Variants in DCDC1 observed in about 807,000 individuals in gnomAD.
DCDC1 encodes the protein doublecortin domain-containing protein 1.
Under a neutral mutation model 178.3 loss-of-function variants are expected in DCDC1, and 200 were observed. That is an observed-to-expected ratio of 1.12 (90% CI 1.00 to 1.26). The LOEUF (loss-of-function observed/expected upper bound fraction) is 1.26, where lower values mean the gene tolerates loss of function less well. DCDC1 is among the 50% of genes most tolerant of loss of function. The pLI is 0.00. For synonymous variants in DCDC1, 690 were observed against 604.8 expected (o/e 1.14, Z -2.07); for missense variants, 1,983 against 1,749.2 (o/e 1.13, Z -2.38).
intron 9 of DCDC1, among the ~76,000 whole-genome samples, chr11:31,187,698 A>C (rs1186714566): frequency 6.6e-6 from 1 of 152,234 alleles, no homozygotes; most frequent in Non-Finnish European, 1.5e-5. Flanking sequence ...AACACTAGTT[A>C]GGAAATCAAA....
intron 7 of DCDC1, among the ~76,000 whole-genome samples, chr11:31,272,803 A>T (rs976931194): frequency 1.3e-5 from 2 of 152,198 alleles, no homozygotes; most frequent in African/African-American, 4.8e-5. Context: ...GAATGTCTGA[A>T]GCATTTCCAG....
At chr11:31,031,884 AC>A (rs1953677149) in intron 20 of DCDC1, among the ~76,000 whole-genome samples, 2 of 152,184 alleles carry the variant, frequency 1.3e-5, no homozygotes, top group South Asian at 4.1e-4. Context: ...GTCATTATGG[AC>A]AAATTAAATT....
intron 21 of DCDC1, among the ~76,000 whole-genome samples, chr11:30,946,966 C>G (rs1465334790): frequency 6.6e-6 from 1 of 152,146 alleles, no homozygotes; most frequent in African/African-American, 2.4e-5. Context: ...AGAATCACAA[C>G]AGGCTAAATT....
At chr11:31,258,738 A>T (rs901789442) in intron 8 of DCDC1, among the ~76,000 whole-genome samples, 1 of 152,168 alleles carries the variant, frequency 6.6e-6, no homozygotes, top group Non-Finnish European at 1.5e-5. Flanking sequence ...TACAATTGGA[A>T]CTGATGTGGA....
At chr11:31,055,324 T>C (rs1955513942) in intron 20 of DCDC1, among the ~76,000 whole-genome samples, 1 of 152,004 alleles carries the variant, frequency 6.6e-6, no homozygotes, top group Non-Finnish European at 1.5e-5. Flanking sequence ...AATAAAAAAA[T>C]CAAAAAACAG....
chr11:31,117,463 AG>A (rs1348375836), intron 11 of DCDC1, among the ~76,000 whole-genome samples: 2 of 152,006 alleles, frequency 1.3e-5, no homozygotes, highest in Non-Finnish European at 2.9e-5. Context: ...TTTTGAGCAA[AG>A]GGTGGTAATA....
intron 4 of DCDC1, 141 bp downstream of exon 4, chr11:31,307,498 A>G (rs1948531366): frequency 8.6e-7 from 1 of 1,168,628 alleles, no homozygotes; most frequent in African/African-American, 1.6e-5. Context: ...GCTTTCAAAG[A>G]AAAAAACAAA....
At chr11:31,131,296 G>C (rs1030382603) in intron 10 of DCDC1, among the ~76,000 whole-genome samples, 2 of 152,002 alleles carry the variant, frequency 1.3e-5, no homozygotes, top group East Asian at 3.9e-4. Flanking sequence ...GGAAGAAAGA[G>C]AAAGAAGATG....
intron 20 of DCDC1, among the ~76,000 whole-genome samples, chr11:30,982,664 T>C (rs556382935): frequency 1.3e-5 from 2 of 150,354 alleles, no homozygotes; most frequent in South Asian, 4.2e-4. Context: ...TTTTTCACAT[T>C]AGATCGTATA....
At chr11:31,353,614 T>C (rs1301825331) in intron 1 of DCDC1, among the ~76,000 whole-genome samples, 1 of 152,204 alleles carries the variant, frequency 6.6e-6, no homozygotes, top group East Asian at 1.9e-4. Context: ...GTTACAGCTT[T>C]AGATAATATT....
intron 7 of DCDC1, 32 bp downstream of exon 7, chr11:31,290,613 TAA>T: frequency 6.4e-7 from 1 of 1,560,002 alleles, no homozygotes; most frequent in Non-Finnish European, 8.7e-7. Flanking sequence ...ACTTTGAAAT[TAA>T]ATTCATAGTT....
chr11:30,982,113 C>A (rs1487574768), intron 20 of DCDC1, among the ~76,000 whole-genome samples: 1 of 152,146 alleles, frequency 6.6e-6, no homozygotes, highest in African/African-American at 2.4e-5. Flanking sequence ...TAAAGGTACA[C>A]TAGAGGCAGC....
intron 9 of DCDC1, among the ~76,000 whole-genome samples, chr11:31,220,960 T>A (rs1364361327): frequency 6.6e-6 from 1 of 152,136 alleles, no homozygotes; most frequent in Non-Finnish European, 1.5e-5. Flanking sequence ...ACACTATTCC[T>A]ACTGGATCAA....
intron 1 of DCDC1, among the ~76,000 whole-genome samples, chr11:31,367,972 A>G (rs1227244052): frequency 6.6e-6 from 1 of 152,190 alleles, no homozygotes; most frequent in Non-Finnish European, 1.5e-5. Flanking sequence ...CTATAATTTA[A>G]AAGATATTTA....
chr11:30,942,286 T>C (rs535721754), intron 21 of DCDC1, among the ~76,000 whole-genome samples: 5 of 152,298 alleles, frequency 3.3e-5, no homozygotes, highest in Admixed American at 6.5e-5. Flanking sequence ...CTTCAATAAG[T>C]ATGTTTGGGA....
chr11:31,094,175 T>C lies in DCDC1; in HGVS notation c.1993A>G (p.Asn665Asp). ...GAAACAGAGGCATGAAGGACAATAT[T>C]GGGATCTACCTGTATCATAAGAAGA... is the stretch of plus-strand genomic sequence containing the variant. ...NHFLQNKVDP[N>D]IVLHASVSIG... Residue 665 changes from asparagine to aspartate, a missense_variant, in exon 16 of 39, where the codon AAT (asparagine) becomes GAT (aspartate). Asn to Asp is a conservative substitution (Grantham distance 23). Coordinates refer to ENST00000684477, the MANE Select transcript of DCDC1 (RefSeq NM_001387274.1). The C allele has an allele frequency of 1.3e-6, 1 of 766,222 alleles. No homozygotes were observed. The highest frequency in any genetic ancestry group is 2.4e-6 in the Non-Finnish European group (1 of 417,792). 47.5% of individuals were successfully genotyped at this position (766,222 alleles called of 1,614,324 possible).
intron 9 of DCDC1, among the ~76,000 whole-genome samples, chr11:31,138,731 T>C (rs78416975): frequency 0.01 from 1,588 of 152,320 alleles, 33 homozygotes; most frequent in African/African-American, 0.037. Flanking sequence ...TGAGTGAACA[T>C]AAATCTTTAA....
chr11:31,157,488 C>A (rs1965855605), intron 9 of DCDC1, among the ~76,000 whole-genome samples: 1 of 147,424 alleles, frequency 6.8e-6, no homozygotes, highest in African/African-American at 2.5e-5. Context: ...TGTGTGTGTG[C>A]AATGGAATAT....
At chr11:31,328,054 C>A in intron 3 of DCDC1, 63 bp downstream of exon 3, 1 of 1,464,706 alleles carries the variant, frequency 6.8e-7, no homozygotes, top group East Asian at 2.4e-5. Context: ...ATTTAAACTA[C>A]TTTCTATAAA....
Sources: gnomAD v4.1 joint callset for allele counts (sites outside exome capture counted in the v4.1 genomes callset) on GRCh38, gnomAD v4.1.1 for gene constraint, MANE v1.5 for transcripts, NCBI Gene and HGNC (gene_info 2026-07-23, HGNC 2026-07-21) for gene names.